The following PLXNA4 variants were observed in gnomAD, a reference collection of about 807,000 sequenced individuals.
PLXNA4 encodes the protein plexin-A4.
Under a neutral mutation model 191.8 loss-of-function variants are expected in PLXNA4, and 44 were observed. The ratio of observed to expected loss-of-function variants is 0.23; its 90% CI spans 0.18 to 0.29. PLXNA4 has a LOEUF of 0.29. Ranked by LOEUF, PLXNA4 falls within the 10% of genes least tolerant of loss-of-function variation. The probability of loss-of-function intolerance (pLI) is 1.00; values close to 1 mark genes in which losing one functional copy is unlikely to be tolerated. For missense variants in PLXNA4, 1,800 were observed against 2,488.8 expected (o/e 0.72, Z 5.89); for synonymous variants, 1,082 against 1,009.5 (o/e 1.07, Z -1.36).
At chr7:132,305,049 C>T (rs901869634) in intron 3 of PLXNA4, among the ~76,000 whole-genome samples, 3 of 152,180 alleles carry the variant, frequency 2.0e-5, no homozygotes, top group African/African-American at 7.2e-5. Context: ...GGTACCCCTG[C>T]TCGTGGGAGG....
chr7:132,574,790 G>A (rs1316828613), intron 1 of PLXNA4, among the ~76,000 whole-genome samples: 1 of 152,158 alleles, frequency 6.6e-6, no homozygotes, highest in Admixed American at 6.5e-5. Context: ...TTTGGAAATA[G>A]CGGAGTCAGG....
chr7:132,636,758 T>A (rs1803617097), intron 2 of PLXNA4, among the ~76,000 whole-genome samples: 1 of 152,178 alleles, frequency 6.6e-6, no homozygotes, highest in Non-Finnish European at 1.5e-5. Context: ...CTTCCCAGCC[T>A]AGCAGTTCTC....
At chr7:132,155,474 ACCC>A (rs1723589824) in intron 25 of PLXNA4, among the ~76,000 whole-genome samples, 1 of 152,128 alleles carries the variant, frequency 6.6e-6, no homozygotes, top group African/African-American at 2.4e-5. Flanking sequence ...GCACCTTGGC[ACCC>A]CCAAGCCTGG....
intron 1 of PLXNA4, among the ~76,000 whole-genome samples, chr7:132,563,345 C>G (rs1228136199): frequency 1.8e-5 from 2 of 110,442 alleles, no homozygotes; most frequent in African/African-American, 7.2e-5. Context: ...CCTTCTCCTC[C>G]TCTTTCTCCT....
intron 3 of PLXNA4, among the ~76,000 whole-genome samples, chr7:132,335,071 C>A (rs1256665660): frequency 6.6e-6 from 1 of 152,162 alleles, no homozygotes; most frequent in Non-Finnish European, 1.5e-5. Flanking sequence ...TGAAGTCAAA[C>A]TTGATACTCC....
At chr7:132,313,457 G>GGAATA (rs1166559454) in intron 3 of PLXNA4, among the ~76,000 whole-genome samples, 2 of 152,094 alleles carry the variant, frequency 1.3e-5, no homozygotes, top group East Asian at 3.9e-4. Flanking sequence ...AAAGGCAGTT[G>GGAATA]GAATAGAGGG....
chr7:132,399,006 G>A (rs1260566529), intron 3 of PLXNA4, among the ~76,000 whole-genome samples: 2 of 152,150 alleles, frequency 1.3e-5, no homozygotes, highest in Non-Finnish European at 2.9e-5. Flanking sequence ...TTTTTCTCAA[G>A]GCCTCTCAAC....
rs78666313 is a variant in PLXNA4, at chr7:132,181,570, G to A, written c.3303C>T (p.Leu1101=). The change falls in exon 18 of 32, where the codon CTC becomes CTT. Residue 1101 remains leucine, a synonymous_variant. Coordinates refer to ENST00000321063, the MANE Select transcript of PLXNA4 (RefSeq NM_020911.2). ...ATEMTCQAPA[L]ALGPDHQSDL... ...CTGACTGGTGGTCAGGACCCAGAGC[G>A]AGGGCGGGCGCCTGACAGGTCATCT... 3.8e-4 allele frequency: 614 copies of A among 1,614,196 alleles called. 7 individuals carry two copies. In the East Asian group the frequency reaches 0.012, roughly 32 times the overall value.
intron 2 of PLXNA4, among the ~76,000 whole-genome samples, chr7:132,599,186 T>A (rs1441593448): frequency 6.6e-6 from 1 of 152,228 alleles, no homozygotes; most frequent in East Asian, 1.9e-4. Flanking sequence ...TAGGTCCCCC[T>A]ACTCACTCCT....
chr7:132,307,695 C>T (rs895102296), intron 3 of PLXNA4, among the ~76,000 whole-genome samples: 4 of 152,302 alleles, frequency 2.6e-5, no homozygotes, highest in African/African-American at 4.8e-5. Context: ...ATGCCACATC[C>T]GTGCCTTCCT....
chr7:132,561,188 T>C (rs1801024014), intron 1 of PLXNA4, among the ~76,000 whole-genome samples: 2 of 152,004 alleles, frequency 1.3e-5, no homozygotes, highest in South Asian at 4.2e-4. Flanking sequence ...TCTGTGCTGC[T>C]TCCTCCACGT....
intron 2 of PLXNA4, among the ~76,000 whole-genome samples, chr7:132,606,143 G>A (rs187241799): frequency 3.9e-5 from 6 of 152,158 alleles, no homozygotes; most frequent in Non-Finnish European, 5.9e-5. Context: ...CAGCCTAGGC[G>A]ACACAGCAAG....
chr7:132,495,936 C>G (rs1490118448), intron 2 of PLXNA4, among the ~76,000 whole-genome samples: 1 of 152,200 alleles, frequency 6.6e-6, no homozygotes, highest in Non-Finnish European at 1.5e-5. Context: ...TATGAAAAAC[C>G]TACTAAGCCC....
intron 12 of PLXNA4, among the ~76,000 whole-genome samples, chr7:132,199,666 A>T (rs1179114192): frequency 6.6e-6 from 1 of 152,148 alleles, no homozygotes; most frequent in African/African-American, 2.4e-5. Flanking sequence ...CCTTTTCAGC[A>T]TATCCAACTC....
rs139925090 is a variant in PLXNA4 at position 132,566,304 on chromosome 7, T to TCA, written c.-87+10116_-87+10117dup. Among the ~76,000 whole-genome samples the TCA allele has an allele frequency of 3.2e-4, 48 of 151,644 alleles. No individual in the cohort carries two copies. In the South Asian group the frequency reaches 4.0e-3, roughly 13 times the overall value. On this transcript the variant is annotated intron_variant, in intron 1 of 31. Coordinates refer to ENST00000321063, the MANE Select transcript of PLXNA4 (RefSeq NM_020911.2). ...CACTCCCACACTCTCCCTCTCTCTCTCACACACACACACATACAATCATTA... is the reference window on the plus strand; with the variant it reads ...CACTCCCACACTCTCCCTCTCTCTCTCACACACACACACACATACAATCATTA...
intron 2 of PLXNA4, among the ~76,000 whole-genome samples, chr7:132,597,430 G>A (rs1428036044): frequency 6.6e-6 from 1 of 152,036 alleles, no homozygotes; most frequent in Non-Finnish European, 1.5e-5. Context: ...ATATGTCTAT[G>A]TCCTTTTACT....
rs114956552 is a variant in PLXNA4 at position 132,524,377 on chromosome 7, A to G, written c.-86-15598T>C. ...ACTTTATAAACTTCACAAATTCCCA[A>G]CCAAAGTTAATAACATTAAAGGATT... On this transcript the variant is annotated intron_variant, in intron 1 of 31. Transcript: ENST00000321063. Among the ~76,000 whole-genome samples the G allele has an allele frequency of 5.4e-3, 825 of 152,326 alleles. 6 individuals carry two copies. The highest frequency in any genetic ancestry group is 0.019 in the African/African-American group (794 of 41,564).
At chr7:132,228,228 C>T in intron 6 of PLXNA4, 118 bp downstream of exon 6, 1 of 1,377,898 alleles carries the variant, frequency 7.3e-7, no homozygotes. Context: ...TCTTGAGCTG[C>T]TTCTGCTGGC....
At chr7:132,571,548 G>C (rs969816725) in intron 1 of PLXNA4, among the ~76,000 whole-genome samples, 1 of 152,130 alleles carries the variant, frequency 6.6e-6, no homozygotes, top group Non-Finnish European at 1.5e-5. Context: ...AGTACCTACC[G>C]TGAGTGGTGT....
Sources: gnomAD v4.1 joint callset for allele counts (sites outside exome capture counted in the v4.1 genomes callset) on GRCh38, gnomAD v4.1.1 for gene constraint, MANE v1.5 for transcripts, NCBI Gene and HGNC (gene_info 2026-07-23, HGNC 2026-07-21) for gene names.